MYH11: variants seen among roughly 807,000 people sequenced by gnomAD.
MYH11 encodes the protein myosin-11.
A neutral mutation model predicts 246.6 loss-of-function variants in MYH11; 80 were observed. The observed-to-expected ratio is 0.32, with a 90% CI of 0.27 to 0.39. The LOEUF (loss-of-function observed/expected upper bound fraction) is 0.39. MYH11 is among the 10% of genes least tolerant of loss of function. The pLI is 1.00. For synonymous variants in MYH11, 1,071 were observed against 1,015.5 expected (o/e 1.05, Z -1.04); for missense variants, 2,158 against 2,546.8 (o/e 0.85, Z 3.29).
intron 3 of MYH11, among the ~76,000 whole-genome samples, chr16:15,807,199 C>T (rs957144903): frequency 2.6e-5 from 4 of 152,050 alleles, no homozygotes; most frequent in Non-Finnish European, 4.4e-5. Flanking sequence ...AGTAATATTA[C>T]CCAGGCTGGT....
intron 9 of MYH11, 50 bp from the exon 10 acceptor site, chr16:15,763,941 T>C (rs1596799936): frequency 1.3e-6 from 2 of 1,493,074 alleles, no homozygotes; most frequent in Non-Finnish European, 1.9e-6. Context: ...AATGCCAAGG[T>C]ACCCTGGAGT....
chr16:15,734,304 T>G (rs955228929), intron 26 of MYH11, among the ~76,000 whole-genome samples: 1 of 70,662 alleles, frequency 1.4e-5, no homozygotes, highest in Non-Finnish European at 3.8e-5. Flanking sequence ...TTGTTTTTTG[T>G]TTTTTTTTGA....
intron 13 of MYH11, among the ~76,000 whole-genome samples, chr16:15,757,507 A>AT (rs1366461306): frequency 1.7e-3 from 126 of 74,716 alleles, no homozygotes; most frequent in Non-Finnish European, 2.4e-3. Context: ...AGACCATGTC[A>AT]TAAAAAAAAA....
intron 3 of MYH11, among the ~76,000 whole-genome samples, chr16:15,813,084 TTGAACC>T (rs1177917398): frequency 6.6e-6 from 1 of 152,020 alleles, no homozygotes; most frequent in Non-Finnish European, 1.5e-5. Context: ...GGAGAATCAC[TTGAACC>T]CAGGAGGTGG....
intron 6 of MYH11, 169 bp from the exon 7 acceptor site, chr16:15,779,012 G>C (rs1240115351): frequency 1.4e-6 from 1 of 714,532 alleles, no homozygotes; most frequent in African/African-American, 1.7e-5. Flanking sequence ...ACCAACATCT[G>C]CTGAGCTGAA....
intron 3 of MYH11, among the ~76,000 whole-genome samples, chr16:15,804,131 T>G (rs2042953928): frequency 1.3e-5 from 2 of 152,212 alleles, no homozygotes; most frequent in Admixed American, 1.3e-4. Flanking sequence ...TTCTGCCCAG[T>G]GCACCCACCA....
chr16:15,741,413 A>C, intron 22 of MYH11, 50 bp downstream of exon 22: 1 of 1,578,470 alleles, frequency 6.3e-7, no homozygotes, highest in Non-Finnish European at 8.6e-7. Flanking sequence ...GCCTGTGGTG[A>C]GGGTCAAGTG....
rs1002728448 is a variant in MYH11 at position 15,799,299 on chromosome 16, C to T, written c.503-612G>A. ...TGTGTTCCAGGCTGCATTGGTCAGA[C>T]TCTCTGGCCTAAAACTCCAAGCTCA... On this transcript the variant is annotated intron_variant, in intron 3 of 40. Transcript: ENST00000300036. Among the ~76,000 whole-genome samples the T allele has an allele frequency of 1.1e-4, 16 of 152,272 alleles. No homozygotes were observed. The East Asian group carries it at 2.9e-3, about 28-fold the overall frequency.
At chr16:15,742,688 G>A (rs2041308263) in intron 20 of MYH11, among the ~76,000 whole-genome samples, 1 of 151,920 alleles carries the variant, frequency 6.6e-6, no homozygotes, top group South Asian at 2.1e-4. Context: ...CCACGATTGT[G>A]CCACTGCACT....
chr16:15,731,558 C>G (rs1053310474), intron 27 of MYH11, among the ~76,000 whole-genome samples: 8 of 151,616 alleles, frequency 5.3e-5, no homozygotes, highest in African/African-American at 1.9e-4. Context: ...GTAGCACGAT[C>G]TGAGCTCACT....
rs1337113758 is a variant in MYH11 at position 15,825,921 on chromosome 16, G to A, written c.346-2510C>T. ...CCCAAGACTCTGATGGCCATAAAGC[G>A]TATCCTCTTCCCTGCAAGTGACTTA... On this transcript the variant is annotated intron_variant, in intron 2 of 40. Transcript: ENST00000300036. Among the ~76,000 whole-genome samples the A allele has an allele frequency of 5.3e-5, 8 of 152,016 alleles. 1 individual carries two copies. The highest frequency in any genetic ancestry group is 1.0e-4 in the Non-Finnish European group (7 of 68,020).
In MYH11 at chr16:15,703,825, C is replaced by T. The variant is rs1282536164; in HGVS notation, c.*166G>A. On this transcript the variant is annotated 3_prime_UTR_variant, in exon 41 of 41. Transcript: ENST00000300036. ...CTGGAGGGTGGTGGTTTTTATATTC[C>T]TTGTGTGAGGGGTGTCTGTGATATT... 1 of 923,880 alleles carries T rather than the reference C, an allele frequency of 1.1e-6. No homozygotes were observed. Among genetic ancestry groups the T allele is most frequent in the African/African-American group, 1.6e-5 (1 of 61,004 alleles). 57.2% of individuals were successfully genotyped at this position (923,880 alleles called of 1,614,324 possible). A position where few individuals can be genotyped will look rare whatever the true frequency, so the allele number is the denominator to read the frequency against.
intron 10 of MYH11, among the ~76,000 whole-genome samples, chr16:15,763,539 T>C (rs1226061431): frequency 6.6e-6 from 1 of 151,978 alleles, no homozygotes; most frequent in Non-Finnish European, 1.5e-5. Context: ...ACTTGTAAAA[T>C]TTTGTATTTA....
At chr16:15,790,667 T>A (rs879745878) in intron 4 of MYH11, among the ~76,000 whole-genome samples, 3 of 152,142 alleles carry the variant, frequency 2.0e-5, no homozygotes, top group African/African-American at 4.8e-5. Context: ...CCTTTCTTAT[T>A]TCTTGGGGAA....
chr16:15,830,832 G>A (rs932980364), intron 2 of MYH11, among the ~76,000 whole-genome samples: 4 of 152,088 alleles, frequency 2.6e-5, no homozygotes, highest in African/African-American at 4.8e-5. Context: ...AGCCGAGATC[G>A]CACCATTGCA....
intron 9 of MYH11, among the ~76,000 whole-genome samples, chr16:15,771,359 G>T (rs2042095712): frequency 6.6e-6 from 1 of 151,302 alleles, no homozygotes. Flanking sequence ...GCCAGCTCGG[G>T]TTACTTGCAA....
At chr16:15,767,510 C>T (rs1193114973) in intron 9 of MYH11, among the ~76,000 whole-genome samples, 4 of 151,942 alleles carry the variant, frequency 2.6e-5, no homozygotes, top group South Asian at 4.2e-4. Context: ...TTGTGGATAC[C>T]GGGGTCTCAC....
chr16:15,811,114 C>T (rs2151337678), intron 3 of MYH11, among the ~76,000 whole-genome samples: 1 of 152,216 alleles, frequency 6.6e-6, no homozygotes, highest in East Asian at 1.9e-4. Flanking sequence ...ACCCAGAGAG[C>T]TAGCAGGTCC....
intron 35 of MYH11, 118 bp from the exon 36 acceptor site, chr16:15,719,426 G>T (rs2040347802): frequency 1.3e-5 from 19 of 1,456,372 alleles, no homozygotes; most frequent in Non-Finnish European, 1.8e-5. Flanking sequence ...GCTCAGGGGA[G>T]GCCCCGTGAA....
Sources: gnomAD v4.1 joint callset for allele counts (sites outside exome capture counted in the v4.1 genomes callset) on GRCh38, gnomAD v4.1.1 for gene constraint, MANE v1.5 for transcripts, NCBI Gene and HGNC (gene_info 2026-07-23, HGNC 2026-07-21) for gene names.